The following NRXN3 variants were observed in gnomAD, a reference collection of about 807,000 sequenced individuals.
The protein encoded by NRXN3 is neurexin III.
A neutral mutation model predicts 137.6 loss-of-function variants in NRXN3; 32 were observed. The ratio of observed to expected loss-of-function variants is 0.23; its 90% CI spans 0.18 to 0.31. NRXN3 has a LOEUF of 0.31. Ranked by LOEUF, NRXN3 falls within the 10% of genes least tolerant of loss-of-function variation. The probability of loss-of-function intolerance (pLI) is 1.00; values close to 1 mark genes in which losing one functional copy is unlikely to be tolerated. For synonymous variants in NRXN3, 798 were observed against 784.5 expected, an observed-to-expected ratio of 1.02 and a Z score of -0.29; for missense variants, 1,574 against 2,062.5, an observed-to-expected ratio of 0.76 and a Z score of 4.59.
rs746827760 is a variant in NRXN3, at chr14:79,394,869, G to A, written c.3263-72352G>A. On this transcript the variant is annotated intron_variant, in intron 15 of 20. Transcript: ENST00000335750. ...TTCAGTGACGATAACTGACTTGCTC[G>A]ATCAAGGTCACTTACCTGGTAAATT... is the stretch of plus-strand genomic sequence containing the variant. Among the ~76,000 whole-genome samples, 10 of 152,072 alleles carry A rather than the reference G, an allele frequency of 6.6e-5. 1 individual carries two copies. The highest frequency in any genetic ancestry group is 1.2e-4 in the Non-Finnish European group (8 of 68,012).
intron 15 of NRXN3, among the ~76,000 whole-genome samples, chr14:79,264,524 G>GTA (rs1441963191): frequency 5.7e-5 from 1 of 17,610 alleles, no homozygotes; most frequent in Non-Finnish European, 1.3e-4. Flanking sequence ...TTTACATGAT[G>GTA]TGTGTGTGTG....
intron 8 of NRXN3, among the ~76,000 whole-genome samples, chr14:78,760,064 G>A (rs915813959): frequency 4.4e-4 from 53 of 120,268 alleles, no homozygotes; most frequent in Non-Finnish European, 7.9e-4. Context: ...TTTTTGAGAC[G>A]GAGTTTCGCT....
chr14:79,773,388 C>G (rs945018496), intron 19 of NRXN3, among the ~76,000 whole-genome samples: 6 of 152,016 alleles, frequency 3.9e-5, no homozygotes, highest in Non-Finnish European at 7.4e-5. Context: ...CAAATGTCCA[C>G]CAATGATCGA....
intron 4 of NRXN3, among the ~76,000 whole-genome samples, chr14:78,631,440 T>G (rs2097522308): frequency 6.6e-6 from 1 of 152,212 alleles, no homozygotes; most frequent in Non-Finnish European, 1.5e-5. Context: ...ATCCAAATCA[T>G]TCACAGTTTT....
At chr14:79,806,963 T>TATATATATATATATATATATATA (rs59533138) in intron 20 of NRXN3, among the ~76,000 whole-genome samples, 1 of 19,634 alleles carries the variant, frequency 5.1e-5, no homozygotes, top group African/African-American at 2.2e-4. Flanking sequence ...TATATATATA[T>TATATATATATATATATATATATA]TTTTTTTTTT....
chr14:78,413,271 G>A (rs7157332), intron 4 of NRXN3, among the ~76,000 whole-genome samples: 65,003 of 151,976 alleles, frequency 0.43, 14,192 homozygotes, highest in Middle Eastern at 0.6. Context: ...CTGCATTGAG[G>A]CAACAGGGCT....
At chr14:79,426,724 G>A (rs1282121388) in intron 15 of NRXN3, among the ~76,000 whole-genome samples, 1 of 152,200 alleles carries the variant, frequency 6.6e-6, no homozygotes, top group Non-Finnish European at 1.5e-5. Context: ...TTGAGGATGG[G>A]AGAAGGGACT....
At chr14:79,544,199 GTAA>G (rs1439710574) in intron 16 of NRXN3, among the ~76,000 whole-genome samples, 1 of 152,250 alleles carries the variant, frequency 6.6e-6, no homozygotes, top group African/African-American at 2.4e-5. Context: ...TAACTAAGTA[GTAA>G]TGGTGCCTCA....
At chr14:79,728,361 C>G (rs934652763) in intron 19 of NRXN3, among the ~76,000 whole-genome samples, 5 of 152,078 alleles carry the variant, frequency 3.3e-5, no homozygotes, top group African/African-American at 1.2e-4. Flanking sequence ...GTTGGAAGTC[C>G]CAGTTGACAG....
intron 16 of NRXN3, among the ~76,000 whole-genome samples, chr14:79,603,293 T>C (rs1310634340): frequency 6.6e-6 from 1 of 152,242 alleles, no homozygotes; most frequent in Non-Finnish European, 1.5e-5. Context: ...ATCTCTTTAC[T>C]GTGGTATTTG....
rs944381259 is a variant in NRXN3, at chr14:78,722,903, G to A, written c.2044+7764G>A. On this transcript the variant is annotated intron_variant, in intron 8 of 20. Transcript: ENST00000335750. The stretch of plus-strand genomic sequence containing the variant: ...GTGCCACTAGAGCTGAGGCTTGGTG[G>A]AGAATCAAAGATCTCCCCGGCAGAC... Among the ~76,000 whole-genome samples, 10 of 152,172 alleles carry A rather than the reference G, an allele frequency of 6.6e-5. 1 individual carries two copies. In the South Asian group the frequency reaches 1.2e-3, roughly 19 times the overall value.
rs574071976 is a variant in NRXN3, at chr14:78,408,315, G to A, written c.757+110455G>A. On this transcript the variant is annotated intron_variant, in intron 4 of 20. Transcript: ENST00000335750. Reference sequence around the variant, plus strand: ...TGCCTGCTTAACAGCTTGGAAGGGAGGAGAGGCAATTTATTTGCTCAACTG... The same window carrying A: ...TGCCTGCTTAACAGCTTGGAAGGGAAGAGAGGCAATTTATTTGCTCAACTG... Among the ~76,000 whole-genome samples the A allele has an allele frequency of 2.6e-5, 4 of 152,252 alleles. No individual in the cohort carries two copies. In the South Asian group the frequency reaches 8.3e-4, roughly 32 times the overall value.
rs561321751 is a variant in NRXN3, at chr14:78,669,390, A to C, written c.1221+18064A>C. Among the ~76,000 whole-genome samples, 209 of 152,266 alleles carry C rather than the reference A, an allele frequency of 1.4e-3. 1 individual carries two copies. The highest frequency in any genetic ancestry group is 3.1e-3 in the Admixed American group (47 of 15,288). ...GTCCATAAAGTGAAAGCAAATTTTT[A>C]AGAGAGTAAAGGAATGGGAATAAAA... is the stretch of plus-strand genomic sequence containing the variant. On this transcript the variant is annotated intron_variant, in intron 6 of 20. Coordinates refer to ENST00000335750, the MANE Select transcript of NRXN3 (RefSeq NM_001330195.2).
chr14:79,338,877 CAAATT>C (rs2092435997), intron 15 of NRXN3, among the ~76,000 whole-genome samples: 1 of 152,142 alleles, frequency 6.6e-6, no homozygotes, highest in Non-Finnish European at 1.5e-5. Context: ...TGTTTCTTCT[CAAATT>C]AAGGGAAAAT....
chr14:78,493,509 G>A (rs762247099), intron 4 of NRXN3, among the ~76,000 whole-genome samples: 12 of 148,298 alleles, frequency 8.1e-5, no homozygotes, highest in East Asian at 2.0e-4. Flanking sequence ...GGCAACAATC[G>A]TGAAACTCCA....
chr14:79,143,357 A>G (rs1282087443), intron 15 of NRXN3, among the ~76,000 whole-genome samples: 1 of 152,184 alleles, frequency 6.6e-6, no homozygotes, highest in Non-Finnish European at 1.5e-5. Context: ...TGCTGCAAAC[A>G]CTTCTAGCTG....
chr14:78,432,469 C>T (rs1293573175), intron 4 of NRXN3, among the ~76,000 whole-genome samples: 1 of 152,126 alleles, frequency 6.6e-6, no homozygotes, highest in Non-Finnish European at 1.5e-5. Flanking sequence ...CTCTTCTGAC[C>T]CTGTCGACCC....
intron 19 of NRXN3, among the ~76,000 whole-genome samples, chr14:79,713,928 A>G (rs2098814863): frequency 6.6e-6 from 1 of 152,110 alleles, no homozygotes; most frequent in Non-Finnish European, 1.5e-5. Flanking sequence ...TGGAATTTTT[A>G]TGCTACAAAA....
At chr14:78,994,504 T>C (rs1437396158) in intron 15 of NRXN3, among the ~76,000 whole-genome samples, 1 of 152,232 alleles carries the variant, frequency 6.6e-6, no homozygotes, top group Non-Finnish European at 1.5e-5. Flanking sequence ...AATGTAGGCC[T>C]CATAGGGCTC....
Sources: allele counts gnomAD v4.1 joint callset (sites outside exome capture counted in the v4.1 genomes callset), GRCh38; gene constraint gnomAD v4.1.1; transcripts MANE v1.5; gene names NCBI Gene and HGNC (gene_info 2026-07-23, HGNC 2026-07-21).